The following AK4 variants were observed in gnomAD, a reference collection of about 807,000 sequenced individuals.
The protein encoded by AK4 is adenylate kinase 4, also known as adenylate kinase 4, mitochondrial.
In AK4, 13 loss-of-function variants were observed where a neutral mutation model predicts 24.6. The observed-to-expected ratio is 0.53, with a 90% CI of 0.34 to 0.84. The LOEUF is 0.84. Ranked by LOEUF, AK4 falls within the 40% of genes least tolerant of loss-of-function variation. The pLI, the probability that AK4 is intolerant of heterozygous loss-of-function variation, is 0.01. For synonymous variants in AK4, 88 were observed against 107.0 expected, an observed-to-expected ratio of 0.82 and a Z score of 1.10; for missense variants, 192 against 288.2, an observed-to-expected ratio of 0.67 and a Z score of 2.42.
intron 1 of AK4, among the ~76,000 whole-genome samples, chr1:65,166,351 T>TGTGTGTGTGTGTGTGTGTGTG (rs1650329989): frequency 6.8e-6 from 1 of 147,710 alleles, no homozygotes; most frequent in Non-Finnish European, 1.5e-5. Flanking sequence ...TGTGTGTGTG[T>TGTGTGTGTGTGTGTGTGTGTG]TTACCACCCA....
At chr1:65,196,200 G>C (rs1260288296) in intron 2 of AK4, among the ~76,000 whole-genome samples, 3 of 152,106 alleles carry the variant, frequency 2.0e-5, no homozygotes, top group Non-Finnish European at 4.4e-5. Flanking sequence ...GCGTGCTAAA[G>C]GTGATTGAAT....
chr1:65,183,290 G>C (rs553117341), intron 1 of AK4, among the ~76,000 whole-genome samples: 1 of 151,360 alleles, frequency 6.6e-6, no homozygotes, highest in Non-Finnish European at 1.5e-5. Context: ...TTGCTCTGTC[G>C]CCCAAGCTGG....
chr1:65,183,581 C>T (rs1650983379), intron 1 of AK4, among the ~76,000 whole-genome samples: 1 of 151,548 alleles, frequency 6.6e-6, no homozygotes, highest in African/African-American at 2.4e-5. Flanking sequence ...TCAGTCCCTG[C>T]AGTGTTTATG....
intron 2 of AK4, among the ~76,000 whole-genome samples, chr1:65,201,751 A>G (rs1409369940): frequency 6.6e-6 from 1 of 152,170 alleles, no homozygotes; most frequent in African/African-American, 2.4e-5. Flanking sequence ...GGAGGCAGGT[A>G]TTAGGAAGGC....
At chr1:65,156,031 A>C (rs1649971217) in intron 1 of AK4, among the ~76,000 whole-genome samples, 1 of 152,160 alleles carries the variant, frequency 6.6e-6, no homozygotes, top group Admixed American at 6.5e-5. Context: ...TGTTTTGAAA[A>C]TTGCTTTAAC....
intron 2 of AK4, among the ~76,000 whole-genome samples, chr1:65,215,144 T>TTTTTC (rs61257497): frequency 0.12 from 18,123 of 149,776 alleles, 2,779 homozygotes; most frequent in African/African-American, 0.36. Flanking sequence ...TCATTGATTT[T>TTTTTC]TTTTCTTTTC....
intron 1 of AK4, among the ~76,000 whole-genome samples, chr1:65,165,404 G>A (rs1650295819): frequency 6.6e-6 from 1 of 152,020 alleles, no homozygotes; most frequent in Admixed American, 6.6e-5. Flanking sequence ...TTTGTGAGGT[G>A]AGATGACACA....
rs1557432180 is a variant in AK4 at position 65,148,562 on chromosome 1, T to TGCGGGGACGAGGG, written c.145+11_145+23dup. 6.3e-7 allele frequency: 1 copy of TGCGGGGACGAGGG among 1,595,450 alleles called. No homozygotes were observed. The highest frequency in any genetic ancestry group is 1.7e-5 in the Admixed American group (1 of 57,852). ...ATCAAGGCCAGCACCGGTGAGGGGC[T>TGCGGGGACGAGGG]GCGGGGACGAGGGCCGGGGGCGAGC... On this transcript the variant is annotated intron_variant, in intron 1 of 4. Coordinates refer to ENST00000327299, the MANE Select transcript of AK4 (RefSeq NM_013410.4).
At chr1:65,224,923 G>T in intron 4 of AK4, 53 bp downstream of exon 4, 1 of 1,448,700 alleles carries the variant, frequency 6.9e-7, no homozygotes. Flanking sequence ...AAGGTGTGGA[G>T]CCTGCTGGGA....
chr1:65,220,873 G>T (rs1652275204), intron 3 of AK4, among the ~76,000 whole-genome samples: 1 of 152,150 alleles, frequency 6.6e-6, no homozygotes, highest in African/African-American at 2.4e-5. Context: ...TTGTGTGTGT[G>T]AGTGTGTGAT....
chr1:65,158,696 G>A (rs749087177), intron 1 of AK4, among the ~76,000 whole-genome samples: 68 of 151,946 alleles, frequency 4.5e-4, no homozygotes, highest in Non-Finnish European at 8.7e-4. Flanking sequence ...TAGTGGAGAC[G>A]GGGTTTCACC....
chr1:65,200,390 C>T (rs1651626590), intron 2 of AK4, among the ~76,000 whole-genome samples: 1 of 152,178 alleles, frequency 6.6e-6, no homozygotes, highest in Admixed American at 6.5e-5. Context: ...GCTGTGATTA[C>T]AGGCGTGAGC....
At chr1:65,221,029 C>T (rs1221212489) in intron 3 of AK4, among the ~76,000 whole-genome samples, 1 of 152,108 alleles carries the variant, frequency 6.6e-6, no homozygotes, top group Non-Finnish European at 1.5e-5. Context: ...TACCCTTAAA[C>T]AGTTCAAAGT....
intron 1 of AK4, among the ~76,000 whole-genome samples, chr1:65,185,404 A>G (rs1651063824): frequency 6.6e-6 from 1 of 152,098 alleles, no homozygotes; most frequent in African/African-American, 2.4e-5. Flanking sequence ...TTCACGCTCC[A>G]TATCCTGCCC....
At chr1:65,219,461 A>AG (rs1652230846) in intron 3 of AK4, among the ~76,000 whole-genome samples, 2 of 152,186 alleles carry the variant, frequency 1.3e-5, no homozygotes, top group African/African-American at 4.8e-5. Context: ...TGGGCAAAAA[A>AG]CAAAACCAAA....
Position 65,211,903 on chromosome 1 carries a change from A to G in AK4, c.266-6851A>G, listed in dbSNP as rs545204983. Among the ~76,000 whole-genome samples the G allele has an allele frequency of 2.4e-4, 37 of 152,370 alleles. No individual in the cohort carries two copies. In the South Asian group the frequency reaches 7.7e-3, roughly 32 times the overall value. On this transcript the variant is annotated intron_variant, in intron 2 of 4. Transcript: ENST00000327299. ...GTGAATAGGAGTGTTGGCGTGTGGT[A>G]GAGGTGCAGTTTAACAGGACAGTTA...
chr1:65,186,865 T>G (rs1170869702), intron 1 of AK4, among the ~76,000 whole-genome samples: 4 of 152,160 alleles, frequency 2.6e-5, no homozygotes, highest in African/African-American at 9.7e-5. Flanking sequence ...ATATGAACAT[T>G]CACTACAGCA....
intron 2 of AK4, among the ~76,000 whole-genome samples, chr1:65,201,218 A>G (rs1244768870): frequency 1.3e-5 from 2 of 152,210 alleles, no homozygotes; most frequent in Non-Finnish European, 1.5e-5. Context: ...CTTGCTGTCA[A>G]TATGAGCTCA....
intron 1 of AK4, among the ~76,000 whole-genome samples, chr1:65,173,681 G>A (rs1203341569): frequency 1.3e-5 from 2 of 152,106 alleles, no homozygotes; most frequent in East Asian, 1.9e-4. Flanking sequence ...GGGCGGCATG[G>A]TGGAACCTCA....
Sources: gnomAD v4.1 joint callset for allele counts (sites outside exome capture counted in the v4.1 genomes callset) on GRCh38, gnomAD v4.1.1 for gene constraint, MANE v1.5 for transcripts, NCBI Gene and HGNC (gene_info 2026-07-23, HGNC 2026-07-21) for gene names.